The following ROBO2 variants were observed in gnomAD, a reference collection of about 807,000 sequenced individuals.
ROBO2 encodes the protein roundabout guidance receptor 2.
ROBO2 carries 53 observed loss-of-function variants against 160.8 expected under a neutral mutation model. The observed-to-expected ratio is 0.33, with a 90% CI of 0.26 to 0.41. ROBO2 has a LOEUF of 0.41. ROBO2 is among the 10% of genes least tolerant of loss of function. The pLI, the probability that ROBO2 is intolerant of heterozygous loss-of-function variation, is 1.00. For synonymous variants in ROBO2, 664 were observed against 611.7 expected (o/e 1.09, Z -1.26); for missense variants, 1,577 against 1,722.4 (o/e 0.92, Z 1.49).
At position 76,395,358 on chromosome 3, in the gene ROBO2, C is replaced by T. The variant is rs572528058; in HGVS notation, c.109+457756C>T. On this transcript the variant is annotated intron_variant, in intron 2 of 26. Coordinates refer to the ROBO2 transcript ENST00000487694. ...AGAGGGAAATTTATAGCACTAAATG[C>T]CCACAAGAGAAAGCAGGAAAGATGC... Among the ~76,000 whole-genome samples the T allele has an allele frequency of 1.2e-3, 169 of 142,808 alleles. 1 individual carries two copies. Among genetic ancestry groups the T allele is most frequent in the Admixed American group, 7.2e-3 (100 of 13,796 alleles). The allele number at this position is 142,808 out of a possible 152,430, so 93.7% of individuals were successfully genotyped here. A position where few individuals can be genotyped will look rare whatever the true frequency, so the allele number is the denominator to read the frequency against.
chr3:76,948,426 T>C (rs1454420060), intron 2 of ROBO2, among the ~76,000 whole-genome samples: 2 of 151,952 alleles, frequency 1.3e-5, no homozygotes, highest in East Asian at 3.9e-4. Flanking sequence ...TTTTTCCTTC[T>C]TTTATTTTAA....
At chr3:77,636,547 A>C (rs2095266954) in intron 24 of ROBO2, among the ~76,000 whole-genome samples, 1 of 152,022 alleles carries the variant, frequency 6.6e-6, no homozygotes, top group Admixed American at 6.6e-5. Flanking sequence ...AGCTGAGATC[A>C]CACCACTGCA....
chr3:76,287,431 A>G (rs371053747), intron 2 of ROBO2, among the ~76,000 whole-genome samples: 2 of 151,594 alleles, frequency 1.3e-5, no homozygotes, highest in South Asian at 4.2e-4. Flanking sequence ...AAGTAGCTGG[A>G]ATTACAGGCA....
At chr3:76,002,185 G>A (rs1430474860) in intron 2 of ROBO2, among the ~76,000 whole-genome samples, 1 of 152,182 alleles carries the variant, frequency 6.6e-6, no homozygotes, top group African/African-American at 2.4e-5. Context: ...GGATGAGGCT[G>A]TTAGGATGGG....
chr3:77,341,611 A>G (rs2067070691), intron 2 of ROBO2, among the ~76,000 whole-genome samples: 1 of 152,150 alleles, frequency 6.6e-6, no homozygotes, highest in East Asian at 1.9e-4. Context: ...AAACTTTTCA[A>G]TAGTTCTCAA....
rs574765499 is a variant in ROBO2, at chr3:76,429,192, A to C, written c.109+491590A>C. Among the ~76,000 whole-genome samples, 64 of 151,748 alleles carry C rather than the reference A, an allele frequency of 4.2e-4. 2 individuals are homozygous for C. The South Asian group carries it at 0.011, about 25-fold the overall frequency. On this transcript the variant is annotated intron_variant, in intron 2 of 26. Transcript: ENST00000487694. ...CACACACACACACACACACACACAC[A>C]CCCACTCACTCACACTCAGGGTCTA...
At chr3:77,070,320 C>T (rs1037234938) in intron 1 of ROBO2, among the ~76,000 whole-genome samples, 5 of 152,154 alleles carry the variant, frequency 3.3e-5, no homozygotes, top group Non-Finnish European at 7.3e-5. Flanking sequence ...TTCCTTGCCT[C>T]TTCCAGCTTT....
intron 2 of ROBO2, among the ~76,000 whole-genome samples, chr3:76,450,181 G>GATAACCAAGCAA (rs2077405193): frequency 6.6e-6 from 1 of 152,086 alleles, no homozygotes; most frequent in African/African-American, 2.4e-5. Flanking sequence ...TAGAAGACTG[G>GATAACCAAGCAA]ATAACCAAGC....
chr3:77,146,838 C>T (rs997581880), intron 2 of ROBO2, among the ~76,000 whole-genome samples: 10 of 152,028 alleles, frequency 6.6e-5, no homozygotes, highest in East Asian at 1.9e-4. Flanking sequence ...TGTGGTGGCA[C>T]GCGCCTGCAG....
At chr3:76,846,649 G>A (rs1001546391) in intron 2 of ROBO2, among the ~76,000 whole-genome samples, 5 of 152,050 alleles carry the variant, frequency 3.3e-5, no homozygotes, top group South Asian at 2.1e-4. Context: ...TATTTTTACC[G>A]ATTTACTGGC....
intron 12 of ROBO2, among the ~76,000 whole-genome samples, chr3:77,567,476 G>T (rs1386713290): frequency 6.6e-6 from 1 of 151,858 alleles, no homozygotes; most frequent in African/African-American, 2.4e-5. Flanking sequence ...AATGGACCGA[G>T]AATATAAACC....
chr3:77,289,056 C>G (rs1460710805), intron 2 of ROBO2, among the ~76,000 whole-genome samples: 1 of 152,048 alleles, frequency 6.6e-6, no homozygotes, highest in Non-Finnish European at 1.5e-5. Flanking sequence ...GTGAGTGGGA[C>G]TGGAATACTA....
chr3:76,269,357 C>G (rs1047404012), intron 2 of ROBO2, among the ~76,000 whole-genome samples: 5 of 151,842 alleles, frequency 3.3e-5, no homozygotes, highest in African/African-American at 1.2e-4. Context: ...CAATGTTGAC[C>G]TCTCTCTTCT....
intron 2 of ROBO2, among the ~76,000 whole-genome samples, chr3:76,698,469 A>C (rs142829294): frequency 6.6e-6 from 1 of 152,252 alleles, no homozygotes; most frequent in East Asian, 1.9e-4. Flanking sequence ...GACCAATTTC[A>C]AGCTACCGAC....
At chr3:76,049,383 G>GTGTGTAAATATATATATATATATATATA (rs1440395230) in intron 2 of ROBO2, among the ~76,000 whole-genome samples, 1 of 36,810 alleles carries the variant, frequency 2.7e-5, no homozygotes, top group African/African-American at 1.1e-4. Flanking sequence ...GCTAATTTTA[G>GTGTGTAAATATATATATATATATATATA]TATATATATA....
At chr3:76,234,555 G>A (rs141443002) in intron 2 of ROBO2, among the ~76,000 whole-genome samples, 2 of 152,202 alleles carry the variant, frequency 1.3e-5, no homozygotes, top group East Asian at 1.9e-4. Context: ...GTTATTCCTC[G>A]ATTTTTTAGT....
At chr3:77,170,386 AT>A (rs66492774) in intron 2 of ROBO2, among the ~76,000 whole-genome samples, 13,647 of 152,214 alleles carry the variant, frequency 0.09, 796 homozygotes, top group African/African-American at 0.16. Flanking sequence ...CAACAATAGA[AT>A]ATTGCATTTA....
At chr3:76,837,426 G>A (rs2067800532) in intron 2 of ROBO2, among the ~76,000 whole-genome samples, 1 of 151,676 alleles carries the variant, frequency 6.6e-6, no homozygotes, top group South Asian at 2.1e-4. Context: ...TATTGAAAGA[G>A]TTGAGGTTTT....
intron 2 of ROBO2, among the ~76,000 whole-genome samples, chr3:76,652,254 A>T (rs899949501): frequency 6.6e-6 from 1 of 152,228 alleles, no homozygotes; most frequent in Admixed American, 6.5e-5. Flanking sequence ...GATAATTAAA[A>T]TTATAGTATG....
Sources: gnomAD v4.1 joint callset for allele counts (sites outside exome capture counted in the v4.1 genomes callset) on GRCh38, gnomAD v4.1.1 for gene constraint, MANE v1.5 for transcripts, NCBI Gene and HGNC (gene_info 2026-07-23, HGNC 2026-07-21) for gene names.